ANKRD30BL: variants seen among roughly 807,000 people sequenced by gnomAD.
The protein encoded by ANKRD30BL is putative ankyrin repeat domain-containing protein 30B-like.
ANKRD30BL carries 20 observed loss-of-function variants against 18.4 expected under a neutral mutation model. The observed-to-expected ratio is 1.09, with a 90% CI of 0.77 to 1.58. The LOEUF is 1.58. Ranked by LOEUF, ANKRD30BL falls within the 40% of genes most tolerant of loss-of-function variation. The probability of loss-of-function intolerance (pLI) is 0.00; values close to 1 mark genes in which losing one functional copy is unlikely to be tolerated. For synonymous variants in ANKRD30BL, 72 were observed against 100.9 expected (o/e 0.71, Z 1.72); for missense variants, 224 against 268.6 (o/e 0.83, Z 1.16).
intron 1 of ANKRD30BL, among the ~76,000 whole-genome samples, chr2:132,158,793 A>G (rs1054473764): frequency 6.6e-6 from 1 of 150,894 alleles, no homozygotes; most frequent in African/African-American, 2.4e-5. Context: ...TATGTAATAA[A>G]TCTATATATA....
At chr2:132,222,718 T>C (rs1313686838) in intron 1 of ANKRD30BL, among the ~76,000 whole-genome samples, 1 of 151,508 alleles carries the variant, frequency 6.6e-6, no homozygotes, top group Admixed American at 6.6e-5. Flanking sequence ...CAGGGTCCTC[T>C]GCCTAGGAAA....
intron 1 of ANKRD30BL, among the ~76,000 whole-genome samples, chr2:132,189,048 T>G (rs1192960209): frequency 6.6e-6 from 1 of 152,064 alleles, no homozygotes; most frequent in African/African-American, 2.4e-5. Context: ...CCAATTTGAT[T>G]TACAACAATG....
Position 132,161,507 on chromosome 2 carries a change from T to C in ANKRD30BL, c.199A>G (p.Ile67Val), listed in dbSNP as rs1320023197. The C allele has an allele frequency of 8.9e-6, 13 of 1,456,566 alleles. No individual in the cohort carries two copies. The highest frequency in any genetic ancestry group is 1.2e-5 in the Non-Finnish European group (13 of 1,063,346). The allele number at this position is 1,456,566 out of a possible 1,614,324, so 90.2% of individuals were successfully genotyped here. A position where few individuals can be genotyped will look rare whatever the true frequency, so the allele number is the denominator to read the frequency against. Reference protein sequence around the residue: ...MMKKTTMDLNIRDAKKRTALY... With the variant: ...MMKKTTMDLNVRDAKKRTALY... ...TGGTACCTCTTCTTCGCATCTCTTA[T>C]GTTCAGGTCCATTGTCGTCTTCTTC... Residue 67 changes from isoleucine to valine, a missense_variant, in exon 1 of 6, where the codon ATA (isoleucine) becomes GTA (valine). Around this residue, in one of 3 missense-constraint regions of ANKRD30BL, gnomAD observed 131 missense variants for 128.8 expected, o/e 1.02. Coordinates refer to ENST00000409867, the MANE Select transcript of ANKRD30BL (RefSeq NM_001358416.1).
At chr2:132,221,804 G>A (rs1346752098) in intron 1 of ANKRD30BL, among the ~76,000 whole-genome samples, 113 of 113,130 alleles carry the variant, frequency 1.0e-3, no homozygotes, top group South Asian at 8.2e-3. Flanking sequence ...CAGCCGCCCC[G>A]TCCGGGAGGG....
chr2:132,161,837 GC>G lies in ANKRD30BL; in HGVS notation c.-133del, dbSNP rs1023047273. ...AGACTAGAAATCTCAGTCGGGCCAAGCTTTTGGACACTCCAACCTCTCCCGG... is the reference window on the plus strand; with the variant it reads ...AGACTAGAAATCTCAGTCGGGCCAAGTTTTGGACACTCCAACCTCTCCCGG... On this transcript the variant is annotated 5_prime_UTR_variant, in exon 1 of 6. Transcript: ENST00000409867. 6 of 622,002 alleles carry G rather than the reference GC, an allele frequency of 9.6e-6. No homozygotes were observed. In the Admixed American group the frequency reaches 1.8e-4, roughly 18 times the overall value. 38.5% of individuals were successfully genotyped at this position (622,002 alleles called of 1,614,324 possible). A position where few individuals can be genotyped will look rare whatever the true frequency, so the allele number is the denominator to read the frequency against.
intron 1 of ANKRD30BL, among the ~76,000 whole-genome samples, chr2:132,256,209 C>T (rs1378251913): frequency 6.6e-6 from 1 of 152,090 alleles, no homozygotes; most frequent in Non-Finnish European, 1.5e-5. Context: ...AGAAAGCGGC[C>T]TCTGGGACTC....
chr2:132,165,765 CTT>C (rs542769216), upstream of ANKRD30BL, among the ~76,000 whole-genome samples: 26 of 137,678 alleles, frequency 1.9e-4, no homozygotes, highest in Admixed American at 2.2e-4. Flanking sequence ...ATATGTAAGA[CTT>C]TTTTTTTTTT....
At chr2:132,151,177 C>T (rs1379887377) in intron 4 of ANKRD30BL, among the ~76,000 whole-genome samples, 1 of 152,078 alleles carries the variant, frequency 6.6e-6, no homozygotes. Flanking sequence ...ATAAAACACT[C>T]ATGAAGTGAG....
chr2:132,187,118 TA>T (rs1311478745), intron 1 of ANKRD30BL, among the ~76,000 whole-genome samples: 1 of 149,474 alleles, frequency 6.7e-6, no homozygotes, highest in Non-Finnish European at 1.5e-5. Context: ...TTTATTTTTT[TA>T]AAAAAAGGAT....
intron 1 of ANKRD30BL, among the ~76,000 whole-genome samples, chr2:132,230,778 T>TG (rs1315836760): frequency 6.6e-6 from 1 of 152,182 alleles, no homozygotes; most frequent in Non-Finnish European, 1.5e-5. Context: ...CGTGGACATT[T>TG]GGAGCACTTT....
intron 1 of ANKRD30BL, among the ~76,000 whole-genome samples, chr2:132,237,198 C>A (rs1297591883): frequency 6.6e-6 from 1 of 151,884 alleles, no homozygotes; most frequent in Non-Finnish European, 1.5e-5. Flanking sequence ...GTGGGTGCAG[C>A]CAACCAGCAT....
At chr2:132,215,628 C>T (rs1216907695) in intron 1 of ANKRD30BL, among the ~76,000 whole-genome samples, 1 of 151,946 alleles carries the variant, frequency 6.6e-6, no homozygotes, top group Non-Finnish European at 1.5e-5. Context: ...TTTGGAAGCT[C>T]TCCTTTTGTA....
At chr2:132,200,577 G>C (rs916436683) in intron 1 of ANKRD30BL, among the ~76,000 whole-genome samples, 40 of 152,128 alleles carry the variant, frequency 2.6e-4, no homozygotes, top group South Asian at 6.2e-4. Flanking sequence ...CCTAGGAATC[G>C]GACTTACAAG....
chr2:132,177,511 T>G (rs183653757), intron 1 of ANKRD30BL, among the ~76,000 whole-genome samples: 303 of 152,318 alleles, frequency 2.0e-3, no homozygotes, highest in Non-Finnish European at 1.3e-3. Context: ...TACAGGATTT[T>G]GTTCTGAGAT....
chr2:132,160,399 C>T (rs1259384821), intron 1 of ANKRD30BL, among the ~76,000 whole-genome samples: 2 of 120,592 alleles, frequency 1.7e-5, no homozygotes, highest in South Asian at 2.6e-4. Flanking sequence ...CGACGCCTGG[C>T]CCTTTTTTTT....
intron 1 of ANKRD30BL, among the ~76,000 whole-genome samples, chr2:132,228,723 G>T (rs60964638): frequency 7.6e-6 from 1 of 131,756 alleles, no homozygotes; most frequent in Non-Finnish European, 1.5e-5. Flanking sequence ...GAATCTGCAA[G>T]CGGACATTTG....
In ANKRD30BL at chr2:132,205,362, G is replaced by A. The variant is rs567277253; in HGVS notation, n.442-48216C>T. Among the ~76,000 whole-genome samples the A allele has an allele frequency of 2.5e-4, 38 of 149,762 alleles. 1 individual carries two copies. In the South Asian group the frequency reaches 6.8e-3, roughly 27 times the overall value. On this transcript the variant is annotated intron_variant and non_coding_transcript_variant, in intron 1 of 4. Coordinates refer to the ANKRD30BL transcript ENST00000470729. ...ATTGTGGCTCATGCCTATAATCCCA[G>A]CACTTTGGGAGGCCGAGGCGGGCGG...
intron 1 of ANKRD30BL, among the ~76,000 whole-genome samples, chr2:132,184,122 G>T (rs1489375999): frequency 6.6e-6 from 1 of 151,890 alleles, no homozygotes; most frequent in Non-Finnish European, 1.5e-5. Flanking sequence ...TGCCCAAGAT[G>T]AGTGCAGTGA....
intron 1 of ANKRD30BL, among the ~76,000 whole-genome samples, chr2:132,203,237 T>A (rs1418175509): frequency 6.6e-6 from 1 of 152,296 alleles, no homozygotes; most frequent in Non-Finnish European, 1.5e-5. Context: ...CTTGGCTCAA[T>A]CCTTCAGAAA....
Sources: allele counts gnomAD v4.1 joint callset (sites outside exome capture counted in the v4.1 genomes callset), GRCh38; gene constraint gnomAD v4.1.1; regional missense constraint gnomAD v4.1.1; transcripts MANE v1.5; gene names NCBI Gene and HGNC (gene_info 2026-07-23, HGNC 2026-07-21).